BTK: variants seen among roughly 807,000 people sequenced by gnomAD.
BTK encodes the protein tyrosine-protein kinase BTK.
A neutral mutation model predicts 57.4 loss-of-function variants in BTK; 5 were observed. That is an observed-to-expected ratio of 0.09 (90% confidence interval 0.05 to 0.18). The LOEUF is 0.18. Among genes scored for constraint, BTK ranks in the 10% least tolerant of loss-of-function variants. The pLI is 1.00. For missense variants in BTK, 194 were observed against 501.2 expected (o/e 0.39, Z 5.85); for synonymous variants, 154 against 174.3 (o/e 0.88, Z 0.92).
chrX:101,378,859 G>A (rs1007432078), intron 1 of BTK, among the ~76,000 whole-genome samples: 2 of 110,823 alleles, frequency 1.8e-5, no homozygotes, highest in African/African-American at 3.3e-5. Flanking sequence ...TCTTATCTTC[G>A]CTCATAAGAT....
rs1555977584 is a variant in BTK, at chrX:101,354,641, G to A, written c.1620C>T (p.Phe540=). The A allele has an allele frequency of 5.8e-6, 7 of 1,209,707 alleles. No individual in the cohort carries two copies. Among genetic ancestry groups the A allele is most frequent in the Non-Finnish European group, 7.8e-6 (7 of 895,101 alleles). Residue 540 remains phenylalanine, a synonymous_variant, in exon 16 of 19, where the codon TTC becomes TTT. Coordinates refer to ENST00000308731, the MANE Select transcript of BTK (RefSeq NM_000061.3). ...NDQGVVKVSD[F]GLSRYVLDDE... is the part of the protein sequence containing the mutation. The stretch of plus-strand genomic sequence containing the variant: ...AAAGCCACACTCACCTGGACAGGCC[G>A]AAATCAGATACTTTAACAACTCCTT...
intron 9 of BTK, 79 bp downstream of exon 9, chrX:101,360,009 T>A (rs782460608): frequency 2.3e-4 from 57 of 250,513 alleles, no homozygotes; most frequent in South Asian, 1.5e-3. Flanking sequence ...ATAAAATATA[T>A]ATAAATAAAT....
chrX:101,361,970 G>A (rs782290887), intron 7 of BTK, among the ~76,000 whole-genome samples: 3 of 112,755 alleles, frequency 2.7e-5, no homozygotes, highest in Non-Finnish European at 3.7e-5. Flanking sequence ...TTCTAAACAG[G>A]TGATTGGATT....
chrX:101,350,392 A>G (rs1368170527), intron 18 of BTK, among the ~76,000 whole-genome samples: 2 of 97,883 alleles, frequency 2.0e-5, no homozygotes, highest in Non-Finnish European at 4.0e-5. Context: ...GATTCTGAGT[A>G]CCTGGGACCT....
At chrX:101,353,135 A>G (rs1461888120) in intron 18 of BTK, 59 bp downstream of exon 18, 1 of 1,094,979 alleles carries the variant, frequency 9.1e-7, no homozygotes, top group Non-Finnish European at 1.3e-6. Context: ...CTGAATGGCC[A>G]GCTAAATGGG....
chrX:101,370,763 T>C (rs939592296), intron 4 of BTK, among the ~76,000 whole-genome samples: 28 of 112,488 alleles, frequency 2.5e-4, no homozygotes, highest in African/African-American at 8.1e-4. Context: ...ACAGAGTTTA[T>C]AGACATCACA....
chrX:101,352,435 G>A (rs1346660101), intron 18 of BTK, among the ~76,000 whole-genome samples: 2 of 111,505 alleles, frequency 1.8e-5, no homozygotes, highest in Non-Finnish European at 3.8e-5. Context: ...GAAAGCCTCT[G>A]GCCATCAGAT....
At position 101,375,305 on chromosome X, in the gene BTK, C is replaced by G; in HGVS notation, c.-21G>C. 2 of 1,211,117 alleles carry G rather than the reference C, an allele frequency of 1.7e-6. No individual in the cohort carries two copies. The highest frequency in any genetic ancestry group is 2.2e-6 in the Non-Finnish European group (2 of 895,214). On this transcript the variant is annotated 5_prime_UTR_variant, in exon 2 of 19. Transcript: ENST00000308731. ...GCCATAGCTTCTTCTTTCTGGAGTT[C>G]ACCTGTGTGCTGTTGATAATGAAAG...
intron 7 of BTK, among the ~76,000 whole-genome samples, chrX:101,361,121 C>T (rs1885295715): frequency 9.1e-6 from 1 of 110,163 alleles, no homozygotes; most frequent in African/African-American, 3.3e-5. Flanking sequence ...GAGGCTGAGG[C>T]AGGAGAATAA....
intron 1 of BTK, among the ~76,000 whole-genome samples, chrX:101,382,561 A>G (rs1212033833): frequency 1.8e-5 from 2 of 110,115 alleles, no homozygotes. Context: ...AGCATTTTAC[A>G]TTTTTCTTCT....
chrX:101,371,195 C>T (rs1267846353), intron 4 of BTK, among the ~76,000 whole-genome samples: 3 of 112,168 alleles, frequency 2.7e-5, no homozygotes, highest in Non-Finnish European at 5.6e-5. Flanking sequence ...CAGATTACAA[C>T]AGAATTTAGG....
intron 3 of BTK, chrX:101,374,219 A>T (rs1442165139): frequency 3.6e-6 from 1 of 276,189 alleles, no homozygotes; most frequent in Non-Finnish European, 6.5e-6. Context: ...TGACATTCAG[A>T]CTTACTTAAG....
chrX:101,366,381 CCTT>C (rs1926851760), intron 5 of BTK, among the ~76,000 whole-genome samples: 1 of 111,974 alleles, frequency 8.9e-6, no homozygotes, highest in African/African-American at 3.2e-5. Flanking sequence ...CATTTAACCT[CCTT>C]GAGATCCAGC....
rs782063870 is a variant in BTK at position 101,369,831 on chromosome X, CTT to C, written c.391+165_391+166del. Among the ~76,000 whole-genome samples the C allele has an allele frequency of 6.7e-5, 7 of 104,188 alleles. No homozygotes were observed. In the East Asian group the frequency reaches 8.7e-4, roughly 13 times the overall value. 90.5% of individuals were successfully genotyped at this position (104,188 alleles called of 115,157 possible). On this transcript the variant is annotated intron_variant, in intron 5 of 18. Transcript: ENST00000308731. ...TGTCTCCCTCCTCCCCTCCCTCTCT[CTT>C]TCTTTTCTCCCCTTCTATCCATTTT...
intron 9 of BTK, among the ~76,000 whole-genome samples, chrX:101,359,773 G>T (rs782538970): frequency 9.2e-6 from 1 of 108,523 alleles, no homozygotes; most frequent in South Asian, 4.0e-4. Flanking sequence ...GGGGGGTAAA[G>T]GTAAGACAGA....
chrX:101,360,794 A>G (rs369065555), intron 7 of BTK, 39 bp from the exon 8 acceptor site: 4 of 1,157,533 alleles, frequency 3.5e-6, no homozygotes, highest in Non-Finnish European at 4.7e-6. Flanking sequence ...GTTTGTCAAG[A>G]TACCAAGCAC....
At chrX:101,365,872 A>G (rs1361656397) in intron 5 of BTK, among the ~76,000 whole-genome samples, 1 of 112,401 alleles carries the variant, frequency 8.9e-6, no homozygotes, top group African/African-American at 3.2e-5. Flanking sequence ...CCACTGCCAT[A>G]TTTAAGGAAA....
At chrX:101,371,556 C>T in intron 4 of BTK, 77 bp downstream of exon 4, 1 of 918,974 alleles carries the variant, frequency 1.1e-6, no homozygotes, top group Non-Finnish European at 1.6e-6. Flanking sequence ...GTAGCCTTCC[C>T]TCTGCCCTGC....
intron 16 of BTK, 85 bp from the exon 17 acceptor site, chrX:101,354,073 A>G (rs1926386560): frequency 1.5e-6 from 1 of 666,265 alleles, no homozygotes; most frequent in Non-Finnish European, 2.5e-6. Flanking sequence ...CAAGAGTGTC[A>G]CAAACACACA....
Sources: gnomAD v4.1 joint callset for allele counts (sites outside exome capture counted in the v4.1 genomes callset) on GRCh38, gnomAD v4.1.1 for gene constraint, MANE v1.5 for transcripts, NCBI Gene and HGNC (gene_info 2026-07-23, HGNC 2026-07-21) for gene names.